The following AKAP19 variants were observed in gnomAD, a reference collection of about 807,000 sequenced individuals.
AKAP19 encodes A-kinase anchoring protein 19, also known as small A-kinase anchoring protein.
the AKAP19 span, among the ~76,000 whole-genome samples, chr2:190,147,086 C>G: frequency 6.6e-6 from 1 of 152,190 alleles, no homozygotes; most frequent in Non-Finnish European, 1.5e-5. Flanking sequence ...AAGCCAATGT[C>G]TAGAAGGGTT....
chr2:190,081,277 T>C, the AKAP19 span, among the ~76,000 whole-genome samples: 260 of 142,424 alleles, frequency 1.8e-3, 1 homozygote, highest in African/African-American at 6.2e-3. Flanking sequence ...AAGCACAAGC[T>C]ACCATCTATT....
At chr2:190,122,012 T>A in the AKAP19 span, among the ~76,000 whole-genome samples, 1 of 152,234 alleles carries the variant, frequency 6.6e-6, no homozygotes, top group African/African-American at 2.4e-5. Context: ...GTTAATGGAA[T>A]CTAGGCAGGT....
the AKAP19 span, among the ~76,000 whole-genome samples, chr2:190,050,607 G>A: frequency 6.6e-6 from 1 of 152,142 alleles, no homozygotes; most frequent in East Asian, 1.9e-4. Flanking sequence ...TTATTAAGAA[G>A]TTACATTTTT....
the AKAP19 span, chr2:189,924,145 A>C: frequency 6.2e-7 from 1 of 1,611,930 alleles, no homozygotes; most frequent in Non-Finnish European, 8.5e-7. Flanking sequence ...GGAGTTGATC[A>C]AGGATGATGA....
At chr2:190,030,906 G>A in the AKAP19 span, among the ~76,000 whole-genome samples, 12 of 152,300 alleles carry the variant, frequency 7.9e-5, no homozygotes, top group African/African-American at 2.4e-4. Context: ...AGACGTAGAT[G>A]CACTCTGGGA....
chr2:189,993,106 G>A, the AKAP19 span, among the ~76,000 whole-genome samples: 3 of 152,174 alleles, frequency 2.0e-5, no homozygotes, highest in African/African-American at 7.2e-5. Context: ...GTTCCCTGGG[G>A]GAATGCTTTC....
At chr2:190,089,919 G>C in the AKAP19 span, among the ~76,000 whole-genome samples, 1 of 152,110 alleles carries the variant, frequency 6.6e-6, no homozygotes, top group South Asian at 2.1e-4. Context: ...ACCTAACACT[G>C]GTTCAATTGT....
At chr2:190,004,767 A>C in the AKAP19 span, among the ~76,000 whole-genome samples, 40 of 152,112 alleles carry the variant, frequency 2.6e-4, no homozygotes, top group African/African-American at 8.9e-4. Flanking sequence ...TTCTAGTGCA[A>C]TCTTTTGAGT....
the AKAP19 span, among the ~76,000 whole-genome samples, chr2:189,885,528 C>T: frequency 3.9e-5 from 6 of 152,108 alleles, no homozygotes; most frequent in East Asian, 9.6e-4. Flanking sequence ...TGAGAACCAC[C>T]CAGCTGAGCT....
At chr2:189,904,318 G>C in the AKAP19 span, among the ~76,000 whole-genome samples, 25 of 152,012 alleles carry the variant, frequency 1.6e-4, no homozygotes, top group Non-Finnish European at 1.0e-4. Context: ...AAGTGCGTAA[G>C]TGACCAACCC....
At chr2:189,887,337 A>G in the AKAP19 span, among the ~76,000 whole-genome samples, 2 of 152,188 alleles carry the variant, frequency 1.3e-5, no homozygotes, top group East Asian at 1.9e-4. Flanking sequence ...ATAGTATTCC[A>G]TGGTGTATAT....
chr2:190,033,824 G>A, the AKAP19 span, among the ~76,000 whole-genome samples: 1 of 152,038 alleles, frequency 6.6e-6, no homozygotes. Flanking sequence ...GTCTGATCAA[G>A]TAAATTCCTA....
At chr2:190,156,716 A>G in the AKAP19 span, among the ~76,000 whole-genome samples, 5 of 152,200 alleles carry the variant, frequency 3.3e-5, no homozygotes, top group Admixed American at 6.5e-5. Flanking sequence ...ACAATATATC[A>G]TGTCATAGCC....
chr2:189,884,192 A>G, the AKAP19 span, among the ~76,000 whole-genome samples: 1 of 152,150 alleles, frequency 6.6e-6, no homozygotes, highest in African/African-American at 2.4e-5. Context: ...ATTTATGGGG[A>G]AAAATGGTAT....
At chr2:190,056,969 C>T in the AKAP19 span, 2 of 342,370 alleles carry the variant, frequency 5.8e-6, no homozygotes, top group Non-Finnish European at 1.1e-5. Flanking sequence ...AGGAGAATCG[C>T]TTTCATTTCC....
At chr2:189,901,620 G>A in the AKAP19 span, among the ~76,000 whole-genome samples, 1,096 of 152,288 alleles carry the variant, frequency 7.2e-3, 7 homozygotes, top group Non-Finnish European at 0.013. Flanking sequence ...TTACATGTGT[G>A]AGTCACCATG....
chr2:190,060,157 G>C, the AKAP19 span: 1 of 1,612,964 alleles, frequency 6.2e-7, no homozygotes. Context: ...GATTCAGGTT[G>C]TTTGAGCCAA....
At chr2:190,076,365 G>T in the AKAP19 span, among the ~76,000 whole-genome samples, 1 of 152,028 alleles carries the variant, frequency 6.6e-6, no homozygotes. Flanking sequence ...AAGTTTTCTG[G>T]GGGGCAAGCT....
chr2:190,094,715 T>C, the AKAP19 span, among the ~76,000 whole-genome samples: 1 of 152,228 alleles, frequency 6.6e-6, no homozygotes, highest in Non-Finnish European at 1.5e-5. Context: ...TATTCATAAT[T>C]TATAGATTGT....
Sources: gnomAD v4.1 joint callset for allele counts (sites outside exome capture counted in the v4.1 genomes callset) on GRCh38, gnomAD v4.1.1 for gene constraint, MANE v1.5 for transcripts, NCBI Gene and HGNC (gene_info 2026-07-23, HGNC 2026-07-21) for gene names.